SLC67A2: variants seen among roughly 807,000 people sequenced by gnomAD.
SLC67A2 encodes solute carrier family 67 member A2.
chr2:102,725,979 T>C, the SLC67A2 span, among the ~76,000 whole-genome samples: 20,487 of 151,782 alleles, frequency 0.13, 1,711 homozygotes, highest in East Asian at 0.19. Context: ...ACTCCTCTAA[T>C]TCCTAAGAAC....
the SLC67A2 span, among the ~76,000 whole-genome samples, chr2:102,728,834 T>C: frequency 1.3e-5 from 2 of 152,160 alleles, no homozygotes; most frequent in African/African-American, 2.4e-5. Flanking sequence ...GAGATTATTT[T>C]CCCCACTCAA....
chr2:102,722,563 C>T, the SLC67A2 span, among the ~76,000 whole-genome samples: 1 of 152,080 alleles, frequency 6.6e-6, no homozygotes, highest in Non-Finnish European at 1.5e-5. Flanking sequence ...AAATATGTAT[C>T]ATGCAGAAGA....
At chr2:102,719,359 C>T in the SLC67A2 span, 2 of 806,026 alleles carry the variant, frequency 2.5e-6, no homozygotes, top group Admixed American at 2.9e-5. Context: ...TAGTCTTTCA[C>T]CATTCCTATG....
the SLC67A2 span, among the ~76,000 whole-genome samples, chr2:102,725,755 T>C: frequency 6.6e-6 from 1 of 152,210 alleles, no homozygotes; most frequent in Non-Finnish European, 1.5e-5. Flanking sequence ...GAAAAAAGTA[T>C]ATATTCCACA....
the SLC67A2 span, among the ~76,000 whole-genome samples, chr2:102,733,816 G>C: frequency 3.3e-5 from 5 of 152,068 alleles, no homozygotes. Context: ...ATAAGAGATG[G>C]AGAGAAATAT....
the SLC67A2 span, chr2:102,718,734 C>A: frequency 6.2e-7 from 1 of 1,613,638 alleles, no homozygotes; most frequent in Non-Finnish European, 8.5e-7. Flanking sequence ...ATGGTGGGGG[C>A]CAAGGAGTAG....
At chr2:102,723,208 C>T in the SLC67A2 span, among the ~76,000 whole-genome samples, 1 of 152,336 alleles carries the variant, frequency 6.6e-6, no homozygotes, top group East Asian at 1.9e-4. Flanking sequence ...CAGTGGCTCG[C>T]GCCTGTAATC....
the SLC67A2 span, chr2:102,736,751 T>G: frequency 6.2e-7 from 1 of 1,613,812 alleles, no homozygotes; most frequent in Non-Finnish European, 8.5e-7. Context: ...GTTTCCGCTC[T>G]GCGGTCTCCG....
chr2:102,724,514 T>A, the SLC67A2 span, among the ~76,000 whole-genome samples: 2 of 152,204 alleles, frequency 1.3e-5, no homozygotes, highest in Non-Finnish European at 2.9e-5. Flanking sequence ...GAAATTAAAG[T>A]AACTGACAAC....
chr2:102,736,744 T>C, the SLC67A2 span: 1 of 1,613,838 alleles, frequency 6.2e-7, no homozygotes, highest in East Asian at 2.2e-5. Flanking sequence ...TGCTCCTGTT[T>C]CCGCTCTGCG....
the SLC67A2 span, among the ~76,000 whole-genome samples, chr2:102,726,139 C>T: frequency 5.3e-5 from 8 of 152,166 alleles, no homozygotes; most frequent in East Asian, 1.9e-4. Context: ...ACAGCAAACT[C>T]GCCCACAAGC....
At chr2:102,727,879 AATT>A in the SLC67A2 span, among the ~76,000 whole-genome samples, 16 of 152,180 alleles carry the variant, frequency 1.1e-4, no homozygotes, top group Non-Finnish European at 2.4e-4. Flanking sequence ...CATCTTTTAA[AATT>A]ATGTTTGCCT....
chr2:102,718,513 C>T, the SLC67A2 span: 6 of 1,613,950 alleles, frequency 3.7e-6, no homozygotes, highest in Non-Finnish European at 5.1e-6. Flanking sequence ...ACACAGCGCC[C>T]AGGCTGGGGG....
the SLC67A2 span, among the ~76,000 whole-genome samples, chr2:102,727,406 T>C: frequency 6.6e-6 from 1 of 152,230 alleles, no homozygotes; most frequent in Non-Finnish European, 1.5e-5. Flanking sequence ...TGTACCTATA[T>C]TTTAACAAAG....
At chr2:102,732,142 GA>G in the SLC67A2 span, 10 of 713,558 alleles carry the variant, frequency 1.4e-5, no homozygotes, top group Admixed American at 4.1e-5. Context: ...ACGTCGTCTA[GA>G]AAAAAAGGAA....
At chr2:102,719,040 C>A in the SLC67A2 span, 1 of 1,614,230 alleles carries the variant, frequency 6.2e-7, no homozygotes, top group Non-Finnish European at 8.5e-7. Context: ...AACACTACTT[C>A]GACCCAGGGC....
the SLC67A2 span, chr2:102,723,618 G>A: frequency 3.2e-4 from 441 of 1,369,382 alleles, 2 homozygotes; most frequent in African/African-American, 3.9e-3. Flanking sequence ...TGATAAAAAC[G>A]AATTGCAAAG....
the SLC67A2 span, among the ~76,000 whole-genome samples, chr2:102,726,074 T>TG: frequency 6.6e-6 from 1 of 152,042 alleles, no homozygotes; most frequent in Non-Finnish European, 1.5e-5. Context: ...TTCAAAAAAA[T>TG]GGACAAAATA....
chr2:102,719,054 G>GC, the SLC67A2 span: 1 of 1,614,222 alleles, frequency 6.2e-7, no homozygotes, highest in South Asian at 1.1e-5. Context: ...CCAGGGCTGG[G>GC]CAGTCTTCTT....
Sources: gnomAD v4.1 joint callset for allele counts (sites outside exome capture counted in the v4.1 genomes callset) on GRCh38, gnomAD v4.1.1 for gene constraint, MANE v1.5 for transcripts, NCBI Gene and HGNC (gene_info 2026-07-23, HGNC 2026-07-21) for gene names.